CA7: variants seen among roughly 807,000 people sequenced by gnomAD.
The protein encoded by CA7 is carbonate dehydratase VII.
A neutral mutation model predicts 31.4 loss-of-function variants in CA7; 13 were observed. The observed-to-expected ratio is 0.41, with a 90% CI of 0.27 to 0.66. The LOEUF is 0.66. Ranked by LOEUF, CA7 falls within the 30% of genes least tolerant of loss-of-function variation. The probability of loss-of-function intolerance (pLI) is 0.28; values close to 1 mark genes in which losing one functional copy is unlikely to be tolerated. For synonymous variants in CA7, 128 were observed against 133.2 expected (o/e 0.96, Z 0.27); for missense variants, 215 against 351.0 (o/e 0.61, Z 3.10).
chr16:66,852,940 C>T, intron 6 of CA7, 73 bp downstream of exon 6: 1 of 1,374,804 alleles, frequency 7.3e-7, no homozygotes, highest in Non-Finnish European at 1.0e-6. Context: ...GACTCTCCAA[C>T]TAGCACCCCA....
chr16:66,850,463 T>G, intron 2 of CA7, 78 bp from the exon 3 acceptor site: 1 of 840,736 alleles, frequency 1.2e-6, no homozygotes, highest in Non-Finnish European at 2.1e-6. Context: ...GTCCCTTTCC[T>G]GGGCTGCTGC....
chr16:66,851,333 A>G (rs1033633969), intron 3 of CA7, 130 bp from the exon 4 acceptor site: 5 of 822,838 alleles, frequency 6.1e-6, no homozygotes, highest in Non-Finnish European at 1.0e-5. Context: ...CAGCATCCTA[A>G]TCCTTGGAGG....
intron 2 of CA7, among the ~76,000 whole-genome samples, chr16:66,848,982 A>G (rs1960983409): frequency 6.6e-6 from 1 of 152,306 alleles, no homozygotes; most frequent in African/African-American, 2.4e-5. Flanking sequence ...AGACCGGGCA[A>G]GAAAGAGGGA....
chr16:66,846,232 T>C (rs1960926495), intron 1 of CA7, among the ~76,000 whole-genome samples: 1 of 151,870 alleles, frequency 6.6e-6, no homozygotes, highest in Admixed American at 6.6e-5. Context: ...TGTGGTCCTT[T>C]ATGCAAACTT....
At chr16:66,844,926 C>A (rs950189203) in intron 1 of CA7, 2 of 1,020,712 alleles carry the variant, frequency 2.0e-6, no homozygotes, top group South Asian at 4.6e-5. Flanking sequence ...CTGCGGGGAG[C>A]GCGCACGGCA....
chr16:66,850,235 T>C (rs1376849156), intron 2 of CA7, among the ~76,000 whole-genome samples: 1 of 149,918 alleles, frequency 6.7e-6, no homozygotes, highest in Non-Finnish European at 1.5e-5. Context: ...AGCCCATGAG[T>C]TCAAGACCAG....
At chr16:66,846,489 C>T (rs1960931703) in intron 1 of CA7, among the ~76,000 whole-genome samples, 1 of 152,180 alleles carries the variant, frequency 6.6e-6, no homozygotes, top group Non-Finnish European at 1.5e-5. Flanking sequence ...CATATGCATG[C>T]ACACATGTGT....
chr16:66,845,181 C>T (rs1960902240), intron 1 of CA7: 1 of 985,602 alleles, frequency 1.0e-6, no homozygotes, highest in African/African-American at 1.7e-5. Flanking sequence ...AAGAGAGCTC[C>T]TTCATCCTGC....
chr16:66,847,115 C>A lies in CA7; in HGVS notation c.126C>A (p.Tyr42Ter). 1 of 1,613,954 alleles carries A rather than the reference C, an allele frequency of 6.2e-7. No individual in the cohort carries two copies. Among genetic ancestry groups the A allele is most frequent in the Non-Finnish European group, 8.5e-7 (1 of 1,179,772 alleles). ...PINIISSQAV[Y>*]SPSLQPLELS... ...ATATCATCTCCAGCCAGGCTGTGTACTCTCCCAGCCTGCAACCACTGGAGC... is the reference window on the plus strand; with the variant it reads ...ATATCATCTCCAGCCAGGCTGTGTAATCTCCCAGCCTGCAACCACTGGAGC... Residue 42 changes from tyrosine (Y) to a stop codon, truncating the protein, a stop_gained, in exon 2 of 7, where the codon TAC (tyrosine) becomes TAA (stop). Coordinates refer to ENST00000338437, the MANE Select transcript of CA7 (RefSeq NM_005182.3). LOFTEE classifies it high-confidence loss of function.
At chr16:66,847,772 C>T (rs941078907) in intron 2 of CA7, among the ~76,000 whole-genome samples, 4 of 152,228 alleles carry the variant, frequency 2.6e-5, no homozygotes, top group African/African-American at 7.2e-5. Context: ...GAAGGTCTCT[C>T]TCTCTCTCTC....
intron 1 of CA7, among the ~76,000 whole-genome samples, chr16:66,845,543 A>C (rs994079485): frequency 6.6e-6 from 1 of 152,114 alleles, no homozygotes; most frequent in Admixed American, 6.5e-5. Context: ...CCCCAAGAAC[A>C]AAGGAGCATA....
At chr16:66,845,985 G>A (rs1053545557) in intron 1 of CA7, among the ~76,000 whole-genome samples, 5 of 152,222 alleles carry the variant, frequency 3.3e-5, no homozygotes, top group African/African-American at 7.2e-5. Flanking sequence ...TTGGGGACAC[G>A]GCTCTGTCGG....
At chr16:66,848,026 G>C (rs1313311205) in intron 2 of CA7, among the ~76,000 whole-genome samples, 1 of 152,166 alleles carries the variant, frequency 6.6e-6, no homozygotes, top group Non-Finnish European at 1.5e-5. Context: ...GTGTAAGGAA[G>C]TATTAATAAC....
intron 6 of CA7, 123 bp downstream of exon 6, chr16:66,852,990 T>TA (rs1302576991): frequency 1.2e-6 from 1 of 833,310 alleles, no homozygotes; most frequent in African/African-American, 1.7e-5. Context: ...CCCCATTTTT[T>TA]ACTAATAAAT....
chr16:66,850,036 C>T (rs965292734), intron 2 of CA7, among the ~76,000 whole-genome samples: 9 of 147,488 alleles, frequency 6.1e-5, no homozygotes, highest in Non-Finnish European at 5.9e-5. Context: ...AGGAGAAATG[C>T]TTGAACCTGG....
At chr16:66,850,684 C>T in intron 3 of CA7, 25 bp downstream of exon 3, 1 of 1,480,984 alleles carries the variant, frequency 6.8e-7, no homozygotes, top group Non-Finnish European at 9.4e-7. Flanking sequence ...CCACTTGAAT[C>T]CCTCTGCTAC....
rs1960880557 is a variant in CA7 at position 66,844,425 on chromosome 16, C to T, written c.-63C>T. The T allele has an allele frequency of 2.1e-6, 3 of 1,421,370 alleles. No homozygotes were observed. Among genetic ancestry groups the T allele is most frequent in the Admixed American group, 2.2e-5 (1 of 46,182 alleles). The allele number at this position is 1,421,370 out of a possible 1,614,324, so 88.0% of individuals were successfully genotyped here. ...CCGCGGTAGCGAGCGGGGCCGGAGC[C>T]GCAGCCCGAACGAGCGGACCGAGCC... is the stretch of plus-strand genomic sequence containing the variant. On this transcript the variant is annotated 5_prime_UTR_variant, in exon 1 of 7. Coordinates refer to ENST00000338437, the MANE Select transcript of CA7 (RefSeq NM_005182.3).
chr16:66,853,551 A>G lies in CA7; in HGVS notation c.*53A>G. 6.2e-7 allele frequency: 1 copy of G among 1,604,952 alleles called. No individual in the cohort carries two copies. The highest frequency in any genetic ancestry group is 8.5e-7 in the Non-Finnish European group (1 of 1,176,608). On this transcript the variant is annotated 3_prime_UTR_variant, in exon 7 of 7. Coordinates refer to ENST00000338437, the MANE Select transcript of CA7 (RefSeq NM_005182.3). The surrounding 1 kb of genome is among the most constrained non-coding windows in gnomAD (Gnocchi z 4.5). ...GGGCACCATCTTCTCAAGGGCTTCC[A>G]TGTCAGCAGACACCAAACCATCTGA...
intron 6 of CA7, 84 bp downstream of exon 6, chr16:66,852,951 C>T (rs978248701): frequency 1.6e-6 from 2 of 1,260,226 alleles, no homozygotes; most frequent in Non-Finnish European, 2.2e-6. Context: ...TAGCACCCCA[C>T]AGCCCGTGAT....
Sources: allele counts gnomAD v4.1 joint callset (sites outside exome capture counted in the v4.1 genomes callset), GRCh38; gene constraint gnomAD v4.1.1; non-coding constraint Gnocchi (gnomAD v3.1); transcripts MANE v1.5; gene names NCBI Gene and HGNC (gene_info 2026-07-23, HGNC 2026-07-21).